Variants in SLC66A3 observed in about 807,000 individuals in gnomAD.
The protein encoded by SLC66A3 is solute carrier family 66 member 3, also known as PQ loop repeat containing 3.
SLC66A3 carries 23 observed loss-of-function variants against 25.5 expected under a neutral mutation model. The ratio of observed to expected loss-of-function variants is 0.90; its 90% CI spans 0.65 to 1.28. The LOEUF (loss-of-function observed/expected upper bound fraction) is 1.28, where lower values mean the gene tolerates loss of function less well. Ranked by LOEUF, SLC66A3 falls within the 50% of genes most tolerant of loss-of-function variation. The pLI, the probability that SLC66A3 is intolerant of heterozygous loss-of-function variation, is 0.00. For missense variants in SLC66A3, 246 were observed against 262.1 expected (o/e 0.94, Z 0.42); for synonymous variants, 108 against 112.6 (o/e 0.96, Z 0.26).
Position 11,164,261 on chromosome 2 carries a change from GGTAA to G in SLC66A3, c.354+4_354+7del. On this transcript the variant is annotated splice_donor_variant and splice_donor_region_variant and intron_variant, in intron 4 of 6. Transcript: ENST00000295083. LOFTEE classifies it high-confidence loss of function. Reference sequence around the variant, plus strand: ...AGAAGTGGATCATAGACCTGGCCATGGTAAGTATTATGCTTGAAAAGAAAGTAGG... The same window carrying G: ...AGAAGTGGATCATAGACCTGGCCATGGTATTATGCTTGAAAAGAAAGTAGG... The G allele has an allele frequency of 6.5e-7, 1 of 1,546,602 alleles. No individual in the cohort carries two copies. Among genetic ancestry groups the G allele is most frequent in the Non-Finnish European group, 8.7e-7 (1 of 1,146,208 alleles).
chr2:11,177,310 A>G (rs1157674629), intron 6 of SLC66A3, among the ~76,000 whole-genome samples: 1 of 152,120 alleles, frequency 6.6e-6, no homozygotes, highest in East Asian at 1.9e-4. Flanking sequence ...AAATACAAAA[A>G]ATAGCCAGGC....
chr2:11,176,800 T>C (rs1662768389), intron 6 of SLC66A3, among the ~76,000 whole-genome samples: 1 of 151,790 alleles, frequency 6.6e-6, no homozygotes, highest in Non-Finnish European at 1.5e-5. Context: ...AGTGCTGGGA[T>C]TACAGGCGTG....
intron 5 of SLC66A3, 54 bp downstream of exon 5, chr2:11,172,099 G>A (rs1042276822): frequency 2.9e-5 from 46 of 1,567,556 alleles, no homozygotes; most frequent in Non-Finnish European, 3.5e-5. Context: ...AAGTGTCTAC[G>A]TAGTAGGGTG....
At chr2:11,167,257 C>G (rs1662377144) in intron 4 of SLC66A3, among the ~76,000 whole-genome samples, 1 of 152,184 alleles carries the variant, frequency 6.6e-6, no homozygotes, top group Admixed American at 6.5e-5. Flanking sequence ...CCAGCCTGGT[C>G]AAAATGGCGA....
intron 6 of SLC66A3, among the ~76,000 whole-genome samples, chr2:11,177,456 CA>C (rs371498449): frequency 0.013 from 1,371 of 106,994 alleles, 28 homozygotes; most frequent in East Asian, 0.12. Flanking sequence ...AAGACTGTCT[CA>C]AAAAAAAAAA....
At chr2:11,165,247 G>T (rs1662285486) in intron 4 of SLC66A3, among the ~76,000 whole-genome samples, 1 of 137,900 alleles carries the variant, frequency 7.3e-6, no homozygotes, top group African/African-American at 2.9e-5. Context: ...GGGCGTAGGG[G>T]CTCCTCACTT....
At position 11,171,986 on chromosome 2, in the gene SLC66A3, CGA is replaced by C; in HGVS notation, c.421_422del (p.Asp141LeufsTer29). ...GCACAGCTCCAGTGTCTGTGGAAGA[CGA>C]GAGACTCAGGAACTGTGAGTGCGCT... On this transcript the variant is annotated frameshift_variant, in exon 5 of 7. Coordinates refer to ENST00000295083, the MANE Select transcript of SLC66A3 (RefSeq NM_152391.5). LOFTEE classifies it high-confidence loss of function. 2 of 1,613,956 alleles carry C rather than the reference CGA, an allele frequency of 1.2e-6. No individual in the cohort carries two copies. The highest frequency in any genetic ancestry group is 1.3e-5 in the African/African-American group (1 of 75,042).
At chr2:11,176,741 G>A (rs1246025427) in intron 6 of SLC66A3, among the ~76,000 whole-genome samples, 2 of 142,814 alleles carry the variant, frequency 1.4e-5, no homozygotes, top group Admixed American at 7.2e-5. Context: ...TTTTAGCCGG[G>A]ATGGTCTCGA....
intron 3 of SLC66A3, among the ~76,000 whole-genome samples, chr2:11,161,260 G>GT (rs1387887430): frequency 1.2e-5 from 1 of 80,750 alleles, no homozygotes; most frequent in Non-Finnish European, 2.8e-5. Context: ...AGCCAGGAGA[G>GT]TGTTTTTTTT....
chr2:11,173,109 C>T (rs866605840), intron 5 of SLC66A3, among the ~76,000 whole-genome samples: 4 of 152,204 alleles, frequency 2.6e-5, no homozygotes, highest in African/African-American at 4.8e-5. Flanking sequence ...GTGATCCACC[C>T]GCCTTGGCCT....
intron 6 of SLC66A3, among the ~76,000 whole-genome samples, chr2:11,175,509 G>T (rs936167450): frequency 1.3e-5 from 2 of 152,238 alleles, no homozygotes; most frequent in African/African-American, 4.8e-5. Flanking sequence ...AAGGGCTAGA[G>T]TGCGGAGAGC....
At chr2:11,160,407 C>G (rs975960095) in intron 1 of SLC66A3, 59 bp from the exon 2 acceptor site, 95 of 1,488,298 alleles carry the variant, frequency 6.4e-5, no homozygotes, top group Non-Finnish European at 3.7e-5. Context: ...TGGTGCCTGC[C>G]AGGCCCCGAC....
At position 11,155,703 on chromosome 2, in the gene SLC66A3, C is replaced by G; in HGVS notation, c.143+14C>G. On this transcript the variant is annotated intron_variant, in intron 1 of 6. Transcript: ENST00000295083. Reference sequence around the variant, plus strand: ...GGAGCTGGCAGGGTAAGGCCCGGGGCGGCCGGGGCTGCCTCCTGCCCCCTC... The same window carrying G: ...GGAGCTGGCAGGGTAAGGCCCGGGGGGGCCGGGGCTGCCTCCTGCCCCCTC... The G allele has an allele frequency of 7.2e-7, 1 of 1,389,198 alleles. No individual in the cohort carries two copies. Among genetic ancestry groups the G allele is most frequent in the Non-Finnish European group, 9.3e-7 (1 of 1,074,082 alleles). 86.1% of individuals were successfully genotyped at this position (1,389,198 alleles called of 1,614,324 possible). A position where few individuals can be genotyped will look rare whatever the true frequency, so the allele number is the denominator to read the frequency against.
intron 4 of SLC66A3, among the ~76,000 whole-genome samples, chr2:11,166,789 G>A (rs2147993494): frequency 6.6e-6 from 1 of 152,286 alleles, no homozygotes; most frequent in South Asian, 2.1e-4. Context: ...CAGCTACTTG[G>A]GAGACTGAGT....
chr2:11,158,265 C>T (rs186477561), intron 1 of SLC66A3, among the ~76,000 whole-genome samples: 97 of 152,330 alleles, frequency 6.4e-4, no homozygotes, highest in African/African-American at 2.2e-3. Context: ...TGCCTGTAAT[C>T]CCAGCCCTTT....
At chr2:11,174,215 C>T (rs1484668288) in intron 5 of SLC66A3, among the ~76,000 whole-genome samples, 9 of 152,070 alleles carry the variant, frequency 5.9e-5, no homozygotes, top group African/African-American at 1.7e-4. Flanking sequence ...CTCAGCCTCC[C>T]GAAATGCTGG....
At chr2:11,159,488 A>G (rs910310320) in intron 1 of SLC66A3, among the ~76,000 whole-genome samples, 1 of 152,182 alleles carries the variant, frequency 6.6e-6, no homozygotes, top group Non-Finnish European at 1.5e-5. Flanking sequence ...TGCTCAGGGC[A>G]ACACTGTGAC....
At chr2:11,172,196 G>T in intron 5 of SLC66A3, 151 bp downstream of exon 5, 1 of 566,734 alleles carries the variant, frequency 1.8e-6, no homozygotes, top group Non-Finnish European at 2.9e-6. Context: ...GTGTATCCAT[G>T]TTTACAAAGA....
At position 11,155,698 on chromosome 2, in the gene SLC66A3, C is replaced by A. The variant is rs773634321; in HGVS notation, c.143+9C>A. The A allele has an allele frequency of 2.9e-6, 4 of 1,389,128 alleles. No homozygotes were observed. The highest frequency in any genetic ancestry group is 2.2e-4 in the Middle Eastern group (1 of 4,486). The allele number at this position is 1,389,128 out of a possible 1,614,324, so 86.1% of individuals were successfully genotyped here. On this transcript the variant is annotated intron_variant, in intron 1 of 6. Coordinates refer to ENST00000295083, the MANE Select transcript of SLC66A3 (RefSeq NM_152391.5). ...CTTCTGGAGCTGGCAGGGTAAGGCC[C>A]GGGGCGGCCGGGGCTGCCTCCTGCC... is the stretch of plus-strand genomic sequence containing the variant.
Sources: allele counts gnomAD v4.1 joint callset (sites outside exome capture counted in the v4.1 genomes callset), GRCh38; gene constraint gnomAD v4.1.1; transcripts MANE v1.5; gene names NCBI Gene and HGNC (gene_info 2026-07-23, HGNC 2026-07-21).